Variants in TRIM13 observed in about 807,000 individuals in gnomAD.
TRIM13 encodes the protein E3 ubiquitin-protein ligase TRIM13.
TRIM13 carries 15 observed loss-of-function variants against 27.1 expected under a neutral mutation model. The ratio of observed to expected loss-of-function variants is 0.55; its 90% confidence interval spans 0.37 to 0.85. TRIM13 has a LOEUF of 0.85. Ranked by LOEUF, TRIM13 falls within the 40% of genes least tolerant of loss-of-function variation. The probability of loss-of-function intolerance (pLI) is 0.00; values close to 1 mark genes in which losing one functional copy is unlikely to be tolerated. For synonymous variants in TRIM13, 193 were observed against 171.5 expected (o/e 1.13, Z -0.98); for missense variants, 402 against 472.2 (o/e 0.85, Z 1.38).
At chr13:50,000,364 T>C (rs532200379) in intron 1 of TRIM13, among the ~76,000 whole-genome samples, 3 of 152,272 alleles carry the variant, frequency 2.0e-5, no homozygotes, top group Admixed American at 2.0e-4. Context: ...GACCCAGAAG[T>C]ACATTTAAAG....
rs773744562 is a variant in TRIM13, at chr13:50,015,633, G to A, written c.*2469G>A. ...GACCAAGAATTCAAGATGGTTGGTGGCCAGATTTTTGTAGACAGAGATGGT... is the reference window on the plus strand; with the variant it reads ...GACCAAGAATTCAAGATGGTTGGTGACCAGATTTTTGTAGACAGAGATGGT... On this transcript the variant is annotated 3_prime_UTR_variant, in exon 2 of 2. Coordinates refer to ENST00000378182, the MANE Select transcript of TRIM13 (RefSeq NM_213590.3). 1.2e-6 allele frequency: 2 copies of A among 1,614,116 alleles called. No homozygotes were observed. The highest frequency in any genetic ancestry group is 1.7e-6 in the Non-Finnish European group (2 of 1,179,992).
chr13:50,012,940 A>C lies in TRIM13; in HGVS notation c.1000A>C (p.Met334Leu). The C allele has an allele frequency of 6.2e-7, 1 of 1,613,960 alleles. No individual in the cohort carries two copies. Among genetic ancestry groups the C allele is most frequent in the South Asian group, 1.1e-5 (1 of 91,076 alleles). ...LGLVIVFGPT[M>L]FLEWSLFDDL... The stretch of plus-strand genomic sequence containing the variant: ...CCTTGTCATTGTCTTTGGTCCTACC[A>C]TGTTCCTAGAATGGTCATTATTTGA... Residue 334 changes from methionine to leucine, a missense_variant, in exon 2 of 2, where the codon ATG becomes CTG. Met to Leu is a conservative substitution (Grantham distance 15). Coordinates refer to ENST00000378182, the MANE Select transcript of TRIM13 (RefSeq NM_213590.3).
chr13:50,013,525 T>A lies in TRIM13; in HGVS notation c.*361T>A. On this transcript the variant is annotated 3_prime_UTR_variant, in exon 2 of 2. Transcript: ENST00000378182. The stretch of plus-strand genomic sequence containing the variant: ...AGCATGCAGTAAAGATCACTTTTTT[T>A]TTTTTTTTTTTTTTTGAGATGGAGT... 6.2e-6 allele frequency: 1 copy of A among 161,146 alleles called. No homozygotes were observed. Among genetic ancestry groups the A allele is most frequent in the East Asian group, 2.0e-4 (1 of 4,984 alleles). The allele number at this position is 161,146 out of a possible 1,614,324, so 10.0% of individuals were successfully genotyped here.
At chr13:50,001,196 C>T (rs1873992372) in intron 1 of TRIM13, 2 of 149,742 alleles carry the variant, frequency 1.3e-5, no homozygotes, top group East Asian at 2.0e-4. Context: ...GAGGCTAAGG[C>T]AGGAGAATCA....
chr13:50,013,041 A>T lies in TRIM13; in HGVS notation c.1101A>T (p.Gln367His), dbSNP rs761693458. The change falls in exon 2 of 2, where the codon CAA becomes CAT. Residue 367 changes from glutamine (Q) to histidine (H), a missense_variant. Physicochemically the swap from Gln to His is conservative, Grantham distance 24. Around this residue, in one of 2 missense-constraint regions of TRIM13, gnomAD observed 200 missense variants for 194.7 expected, o/e 1.03. Transcript: ENST00000378182. ...YLTKTADFIE[Q>H]SVFYWEQVTD... The stretch of plus-strand genomic sequence containing the variant: ...CTAAAACAGCCGATTTCATAGAACA[A>T]TCAGTTTTTTACTGGGAACAGGTGA... 7.4e-6 allele frequency: 12 copies of T among 1,613,872 alleles called. No individual in the cohort carries two copies. The highest frequency in any genetic ancestry group is 1.6e-4 in the Middle Eastern group (1 of 6,080).
chr13:50,000,497 C>G (rs1208197810), intron 1 of TRIM13, among the ~76,000 whole-genome samples: 9 of 152,132 alleles, frequency 5.9e-5, no homozygotes, highest in African/African-American at 2.2e-4. Context: ...GCAACAAGAA[C>G]AAACCCATAA....
At chr13:50,005,103 C>T (rs1419739300) in intron 1 of TRIM13, among the ~76,000 whole-genome samples, 1 of 151,890 alleles carries the variant, frequency 6.6e-6, no homozygotes, top group Non-Finnish European at 1.5e-5. Flanking sequence ...ACCAGAAACC[C>T]CGAAAAAGAG....
At position 50,000,502 on chromosome 13, in the gene TRIM13, C is replaced by T. The variant is rs79866027; in HGVS notation, c.-7+2739C>T. On this transcript the variant is annotated intron_variant, in intron 1 of 1. Coordinates refer to ENST00000378182, the MANE Select transcript of TRIM13 (RefSeq NM_213590.3). ...AAACAACACAGCAACAAGAACAAACCCATAAATGAGCAATAAGAAAGCATA... is the reference window on the plus strand; with the variant it reads ...AAACAACACAGCAACAAGAACAAACTCATAAATGAGCAATAAGAAAGCATA... 2.3e-3 allele frequency among the ~76,000 whole-genome samples: 347 copies of T among 152,186 alleles called. 1 individual carries two copies. The highest frequency in any genetic ancestry group is 7.3e-3 in the African/African-American group (305 of 41,520).
At chr13:50,011,730 G>A (rs1303424078) in intron 1 of TRIM13, among the ~76,000 whole-genome samples, 1 of 152,174 alleles carries the variant, frequency 6.6e-6, no homozygotes, top group East Asian at 1.9e-4. Flanking sequence ...TGTATAGGAT[G>A]CCCTACTATT....
In TRIM13 at chr13:50,015,433, G is replaced by A; in HGVS notation, c.*2269G>A. ...ATCATGTATAACTAGCAACATTTATGGTTATAGGTTGATTTCCTAAGTGTG... is the reference window on the plus strand; with the variant it reads ...ATCATGTATAACTAGCAACATTTATAGTTATAGGTTGATTTCCTAAGTGTG... On this transcript the variant is annotated 3_prime_UTR_variant, in exon 2 of 2. Transcript: ENST00000378182. The A allele has an allele frequency of 8.3e-7, 1 of 1,207,198 alleles. No individual in the cohort carries two copies. The allele number at this position is 1,207,198 out of a possible 1,614,324, so 74.8% of individuals were successfully genotyped here. A position where few individuals can be genotyped will look rare whatever the true frequency, so the allele number is the denominator to read the frequency against.
At position 50,015,823 on chromosome 13, in the gene TRIM13, G is replaced by C; in HGVS notation, c.*2659G>C. On this transcript the variant is annotated 3_prime_UTR_variant, in exon 2 of 2. Coordinates refer to ENST00000378182, the MANE Select transcript of TRIM13 (RefSeq NM_213590.3). Reference sequence around the variant, plus strand: ...TGCTACAGCCAAGACCTGCTCTTGTGGAGGTACATTTCCTAAGCCGGAACA... The same window carrying C: ...TGCTACAGCCAAGACCTGCTCTTGTCGAGGTACATTTCCTAAGCCGGAACA... 1.2e-6 allele frequency: 2 copies of C among 1,614,080 alleles called. No individual in the cohort carries two copies. The highest frequency in any genetic ancestry group is 1.7e-6 in the Non-Finnish European group (2 of 1,179,966).
chr13:50,001,938 A>G (rs577174732), intron 1 of TRIM13, among the ~76,000 whole-genome samples: 19 of 152,344 alleles, frequency 1.2e-4, no homozygotes, highest in South Asian at 2.1e-4. Context: ...TACTTTTCAT[A>G]TACCTTTTAA....
intron 1 of TRIM13, among the ~76,000 whole-genome samples, chr13:50,005,123 A>T (rs899408891): frequency 1.3e-5 from 2 of 152,038 alleles, no homozygotes; most frequent in African/African-American, 4.8e-5. Flanking sequence ...GGTGGAGGGG[A>T]TGTATCCTTT....
Position 50,014,344 on chromosome 13 carries a change from A to AAAAAAAAAGAT in TRIM13, c.*1181_*1182insAAAAAAAGATA, listed in dbSNP as rs1555325057. On this transcript the variant is annotated 3_prime_UTR_variant, in exon 2 of 2. Coordinates refer to ENST00000378182, the MANE Select transcript of TRIM13 (RefSeq NM_213590.3). ...AAAAAAAAAAAAAAAAAAAAAAAAAAATATATATATATATATACACACACA... is the reference window on the plus strand; with the variant it reads ...AAAAAAAAAAAAAAAAAAAAAAAAAAAAAAAAAAGATATATATATATATATATACACACACA... 5.1e-5 allele frequency: 1 copy of AAAAAAAAAGAT among 19,718 alleles called. No homozygotes were observed. The highest frequency in any genetic ancestry group is 2.0e-4 in the African/African-American group (1 of 4,880). The allele number at this position is 19,718 out of a possible 1,614,324, so 1.2% of individuals were successfully genotyped here.
intron 1 of TRIM13, among the ~76,000 whole-genome samples, chr13:50,004,950 C>G (rs967285550): frequency 6.6e-6 from 1 of 151,738 alleles, no homozygotes; most frequent in Non-Finnish European, 1.5e-5. Context: ...GTGGCGGGCA[C>G]CTGTAATCCC....
Position 50,012,407 on chromosome 13 carries a change from A to G in TRIM13, c.467A>G (p.Asp156Gly). 2 of 1,614,066 alleles carry G rather than the reference A, an allele frequency of 1.2e-6. No homozygotes were observed. Among genetic ancestry groups the G allele is most frequent in the Non-Finnish European group, 8.5e-7 (1 of 1,179,998 alleles). The stretch of plus-strand genomic sequence containing the variant: ...AGCTTTGAGACCTGGCGTCGGGGAG[A>G]TGCTCTTTCTCGCTTGGATACCTTG... ...FQSFETWRRG[D>G]ALSRLDTLET... The change falls in exon 2 of 2, where the codon GAT (aspartate) becomes GGT (glycine). Residue 156 changes from aspartate (D) to glycine (G), a missense_variant. Asp to Gly is a moderately conservative substitution (Grantham distance 94). Coordinates refer to ENST00000378182, the MANE Select transcript of TRIM13 (RefSeq NM_213590.3).
intron 1 of TRIM13, among the ~76,000 whole-genome samples, chr13:50,000,835 A>G (rs981962439): frequency 6.6e-6 from 1 of 152,222 alleles, no homozygotes; most frequent in South Asian, 2.1e-4. Context: ...TATGGTGTCA[A>G]TATTTTATGG....
At position 50,013,430 on chromosome 13, in the gene TRIM13, A is replaced by T. The variant is rs1180968110; in HGVS notation, c.*266A>T. 4 of 298,416 alleles carry T rather than the reference A, an allele frequency of 1.3e-5. No homozygotes were observed. Among genetic ancestry groups the T allele is most frequent in the Non-Finnish European group, 2.6e-5 (4 of 152,576 alleles). The allele number at this position is 298,416 out of a possible 1,614,324, so 18.5% of individuals were successfully genotyped here. On this transcript the variant is annotated 3_prime_UTR_variant, in exon 2 of 2. Coordinates refer to ENST00000378182, the MANE Select transcript of TRIM13 (RefSeq NM_213590.3). ...GTTGTATTTATGCTGTGATAAAAAT[A>T]GGTGAGAGATCATATGATCTAATAT...
At chr13:50,000,019 T>C (rs990270060) in intron 1 of TRIM13, among the ~76,000 whole-genome samples, 31 of 152,164 alleles carry the variant, frequency 2.0e-4, no homozygotes, top group Non-Finnish European at 4.4e-4. Flanking sequence ...TTAGATGATT[T>C]CTAAGATGCT....
Sources: gnomAD v4.1 joint callset for allele counts (sites outside exome capture counted in the v4.1 genomes callset) on GRCh38, gnomAD v4.1.1 for gene constraint, gnomAD v4.1.1 regional missense constraint, MANE v1.5 for transcripts, NCBI Gene and HGNC (gene_info 2026-07-23, HGNC 2026-07-21) for gene names.